Variants in XCR1 observed in about 807,000 individuals in gnomAD.
XCR1 encodes the protein chemokine XC receptor 1.
For synonymous variants in XCR1, 187 were observed against 188.5 expected (o/e 0.99, Z 0.06); for missense variants, 356 against 424.2 (o/e 0.84, Z 1.41).
chr3:46,035,929 G>A (rs1336432055), intron 5 of XCR1, among the ~76,000 whole-genome samples: 2 of 152,116 alleles, frequency 1.3e-5, no homozygotes, highest in Non-Finnish European at 1.5e-5. Flanking sequence ...AATTCCTAAG[G>A]AATTTTTGTT....
At chr3:46,073,607 A>G (rs1909596) in intron 3 of XCR1, among the ~76,000 whole-genome samples, 68,613 of 151,912 alleles carry the variant, frequency 0.45, 18,365 homozygotes, top group African/African-American at 0.75. Flanking sequence ...AAAAACAAAA[A>G]CAACAGAAAT....
intron 4 of XCR1, among the ~76,000 whole-genome samples, chr3:46,060,485 A>G (rs573027166): frequency 3.3e-5 from 5 of 151,958 alleles, no homozygotes; most frequent in Admixed American, 3.3e-4. Context: ...CCAACACAGC[A>G]CTCCCTTATT....
intron 5 of XCR1, among the ~76,000 whole-genome samples, chr3:46,038,130 CA>C (rs1282389514): frequency 6.6e-6 from 1 of 150,870 alleles, no homozygotes; most frequent in African/African-American, 2.4e-5. Context: ...CAGGTTCAAG[CA>C]ATTTTTCTGC....
At chr3:46,036,058 G>A (rs1319831200) in intron 5 of XCR1, among the ~76,000 whole-genome samples, 2 of 152,206 alleles carry the variant, frequency 1.3e-5, no homozygotes, top group Non-Finnish European at 2.9e-5. Flanking sequence ...GATTGTGTGT[G>A]TATCATGGGA....
intron 5 of XCR1, among the ~76,000 whole-genome samples, chr3:46,034,161 G>A (rs1280188068): frequency 1.3e-5 from 2 of 151,830 alleles, no homozygotes; most frequent in African/African-American, 2.4e-5. Flanking sequence ...TTTAGTAGAC[G>A]GGGTTTCACC....
At chr3:46,072,780 T>C (rs528778341) in intron 3 of XCR1, among the ~76,000 whole-genome samples, 36 of 152,264 alleles carry the variant, frequency 2.4e-4, no homozygotes, top group African/African-American at 8.4e-4. Flanking sequence ...TTCTAAAATT[T>C]GTATGCAACC....
At chr3:46,040,927 A>G (rs1161147644) in intron 5 of XCR1, among the ~76,000 whole-genome samples, 1 of 152,224 alleles carries the variant, frequency 6.6e-6, no homozygotes, top group Non-Finnish European at 1.5e-5. Context: ...AGTTGATTGC[A>G]TGGATCAAAC....
At chr3:46,032,235 G>T (rs552465834), upstream of XCR1, among the ~76,000 whole-genome samples, 1 of 152,348 alleles carries the variant, frequency 6.6e-6, no homozygotes, top group African/African-American at 2.4e-5. Context: ...CAGACCTGGG[G>T]TGCTCCCCAA....
intron 1 of XCR1, among the ~76,000 whole-genome samples, chr3:46,026,412 A>C (rs965622596): frequency 6.6e-6 from 1 of 152,186 alleles, no homozygotes; most frequent in African/African-American, 2.4e-5. Context: ...GGACTGTAAT[A>C]TAATTTAGAT....
intron 1 of XCR1, among the ~76,000 whole-genome samples, chr3:46,077,855 C>T (rs1698289664): frequency 6.6e-6 from 1 of 152,110 alleles, no homozygotes; most frequent in Admixed American, 6.5e-5. Context: ...CACGTTCTCA[C>T]TTATAAGTGA....
chr3:46,049,895 A>G (rs949509294), intron 5 of XCR1, among the ~76,000 whole-genome samples: 1 of 152,208 alleles, frequency 6.6e-6, no homozygotes, highest in African/African-American at 2.4e-5. Context: ...GGCAGTTGAC[A>G]TTTCCCAAGC....
At chr3:46,059,393 G>T (rs1392293) in intron 4 of XCR1, among the ~76,000 whole-genome samples, 120,948 of 152,106 alleles carry the variant, frequency 0.8, 48,403 homozygotes, top group East Asian at 0.99. Context: ...GGCAGAACTT[G>T]GAGCATTGCA....
chr3:46,020,997 C>G lies in XCR1; in HGVS notation c.951G>C (p.Ser317=). 6.2e-7 allele frequency: 1 copy of G among 1,612,576 alleles called. No individual in the cohort carries two copies. The highest frequency in any genetic ancestry group is 8.5e-7 in the Non-Finnish European group (1 of 1,179,236). The change falls in exon 2 of 2, where the codon TCG becomes TCC. Residue 317 remains serine, a synonymous_variant. Coordinates refer to ENST00000309285, the MANE Select transcript of XCR1 (RefSeq NM_001024644.2). The stretch of plus-strand genomic sequence containing the variant: ...CGAAGGCACCAGGGGAGTGGGGGAT[C>G]GAGGCTGGGCTGGGTGCCTGCAGCC... ...FCRLQAPSPA[S]IPHSPGAFAY...
At chr3:46,026,273 G>A (rs991533928) in intron 1 of XCR1, among the ~76,000 whole-genome samples, 2 of 152,074 alleles carry the variant, frequency 1.3e-5, no homozygotes, top group African/African-American at 2.4e-5. Context: ...GAGATAAAAA[G>A]GAAAATGATG....
At chr3:46,063,524 AAGGGAACTGTGGGTGC>A (rs1019594135) in intron 4 of XCR1, among the ~76,000 whole-genome samples, 68 of 152,298 alleles carry the variant, frequency 4.5e-4, no homozygotes, top group Middle Eastern at 6.8e-3. Context: ...ACCAGGAGAA[AAGGGAACTGTGGGTGC>A]AGCTCATACA....
At chr3:46,033,231 G>T (rs1697338289) in intron 5 of XCR1, among the ~76,000 whole-genome samples, 1 of 152,052 alleles carries the variant, frequency 6.6e-6, no homozygotes, top group South Asian at 2.1e-4. Context: ...AAAAATTAAA[G>T]AAAAACAAAA....
chr3:46,034,710 C>T (rs1327904649), intron 5 of XCR1, among the ~76,000 whole-genome samples: 1 of 152,080 alleles, frequency 6.6e-6, no homozygotes, highest in Non-Finnish European at 1.5e-5. Flanking sequence ...ACATGGTACC[C>T]ACTAACTAAT....
At chr3:46,056,410 G>T (rs1391577201) in intron 4 of XCR1, among the ~76,000 whole-genome samples, 1 of 152,064 alleles carries the variant, frequency 6.6e-6, no homozygotes. Flanking sequence ...AAGGACTTTT[G>T]GGTGACAAAT....
At chr3:46,048,148 A>C (rs1178121578) in intron 5 of XCR1, among the ~76,000 whole-genome samples, 2 of 152,196 alleles carry the variant, frequency 1.3e-5, no homozygotes, top group African/African-American at 4.8e-5. Flanking sequence ...CGGTATAATT[A>C]ATGACATTAT....
Sources: gnomAD v4.1 joint callset for allele counts (sites outside exome capture counted in the v4.1 genomes callset) on GRCh38, gnomAD v4.1.1 for gene constraint, MANE v1.5 for transcripts, NCBI Gene and HGNC (gene_info 2026-07-23, HGNC 2026-07-21) for gene names.